The following CDH12 variants were observed in gnomAD, a reference collection of about 807,000 sequenced individuals.
The protein encoded by CDH12 is cadherin 12.
A neutral mutation model predicts 74.1 loss-of-function variants in CDH12; 41 were observed. The ratio of observed to expected loss-of-function variants is 0.55; its 90% CI spans 0.43 to 0.72. The LOEUF (loss-of-function observed/expected upper bound fraction) is 0.72, where lower values mean the gene tolerates loss of function less well. CDH12 is among the 30% of genes least tolerant of loss of function. CDH12 has a pLI of 0.00. For missense variants in CDH12, 945 were observed against 977.2 expected, an observed-to-expected ratio of 0.97 and a Z score of 0.44; for synonymous variants, 399 against 355.0, an observed-to-expected ratio of 1.12 and a Z score of -1.39.
chr5:21,977,160 A>G (rs1025598689), intron 5 of CDH12, among the ~76,000 whole-genome samples: 1 of 152,090 alleles, frequency 6.6e-6, no homozygotes, highest in African/African-American at 2.4e-5. Flanking sequence ...ATGTGGCAAC[A>G]ATAAGAGGGA....
At chr5:22,401,404 C>A (rs961428614) in intron 3 of CDH12, among the ~76,000 whole-genome samples, 4 of 152,062 alleles carry the variant, frequency 2.6e-5, no homozygotes, top group Admixed American at 1.3e-4. Flanking sequence ...TACCTAAATT[C>A]TTTTAGCATT....
intron 1 of CDH12, among the ~76,000 whole-genome samples, chr5:22,601,004 G>T (rs1251995912): frequency 6.6e-6 from 1 of 152,038 alleles, no homozygotes; most frequent in Admixed American, 6.6e-5. Context: ...TATTATCAGG[G>T]TAGAACTGGC....
Position 21,816,957 on chromosome 5 carries a change from G to C in CDH12, c.990C>G (p.Ile330Met). 1.3e-6 allele frequency: 2 copies of C among 1,596,386 alleles called. No homozygotes were observed. Among genetic ancestry groups the C allele is most frequent in the Non-Finnish European group, 8.5e-7 (1 of 1,171,770 alleles). ...VTDEDTQEGV[I>M]KLKKPLDFET... ...TTTGTCTATATACCTTTTTCAATTT[G>C]ATGACTCCCTCTTGTGTATCCTCAT... Residue 330 changes from isoleucine to methionine, a missense_variant, in exon 9 of 15, where the codon ATC becomes ATG. Ile to Met is a conservative substitution (Grantham distance 10). Around this residue, in one of 3 missense-constraint regions of CDH12, gnomAD observed 791 missense variants for 792.8 expected, o/e 1.00. Coordinates refer to ENST00000382254, the MANE Select transcript of CDH12 (RefSeq NM_004061.5).
chr5:22,559,137 C>T (rs1738934045), intron 1 of CDH12, among the ~76,000 whole-genome samples: 2 of 151,910 alleles, frequency 1.3e-5, no homozygotes, highest in South Asian at 4.1e-4. Flanking sequence ...TAACAAATGG[C>T]TTATTCTTGT....
chr5:22,253,121 G>A (rs1010002531), intron 3 of CDH12, among the ~76,000 whole-genome samples: 10 of 151,754 alleles, frequency 6.6e-5, no homozygotes, highest in Non-Finnish European at 1.2e-4. Flanking sequence ...TGAATTAAAT[G>A]AATTAATTTA....
intron 1 of CDH12, among the ~76,000 whole-genome samples, chr5:22,834,174 A>G (rs754496188): frequency 1.3e-5 from 2 of 152,202 alleles, no homozygotes; most frequent in African/African-American, 2.4e-5. Context: ...AGTGTTCAGC[A>G]TCAGTACCAC....
At chr5:22,612,216 G>T (rs1040291279) in intron 1 of CDH12, among the ~76,000 whole-genome samples, 1 of 151,932 alleles carries the variant, frequency 6.6e-6, no homozygotes, top group African/African-American at 2.4e-5. Context: ...TTTATCAGTG[G>T]AACCTCCATT....
At chr5:22,153,876 A>ATG (rs1444185664) in intron 4 of CDH12, among the ~76,000 whole-genome samples, 11 of 55,746 alleles carry the variant, frequency 2.0e-4, no homozygotes, top group African/African-American at 3.7e-4. Flanking sequence ...ATATATGTAT[A>ATG]TATATATATA....
At chr5:22,239,190 T>C (rs1049010009) in intron 3 of CDH12, among the ~76,000 whole-genome samples, 1 of 152,192 alleles carries the variant, frequency 6.6e-6, no homozygotes, top group Non-Finnish European at 1.5e-5. Context: ...GAATGCTTAC[T>C]TCTATAGCTT....
chr5:22,530,167 G>C (rs974156305), intron 1 of CDH12, among the ~76,000 whole-genome samples: 1 of 152,242 alleles, frequency 6.6e-6, no homozygotes, highest in South Asian at 2.1e-4. Context: ...TCTGAAGAAT[G>C]AGTCTTGCAA....
chr5:22,039,632 T>A (rs1418471497), intron 5 of CDH12, among the ~76,000 whole-genome samples: 1 of 152,098 alleles, frequency 6.6e-6, no homozygotes, highest in African/African-American at 2.4e-5. Context: ...TAATTGCCAC[T>A]GAGGACCCTA....
At chr5:22,406,391 C>G (rs1348267925) in intron 2 of CDH12, among the ~76,000 whole-genome samples, 1 of 152,000 alleles carries the variant, frequency 6.6e-6, no homozygotes, top group East Asian at 1.9e-4. Flanking sequence ...GATAATGCAG[C>G]CTGCATGATA....
intron 1 of CDH12, among the ~76,000 whole-genome samples, chr5:22,807,156 T>C (rs1748860011): frequency 6.6e-6 from 1 of 152,198 alleles, no homozygotes; most frequent in South Asian, 2.1e-4. Context: ...TGAAAAGGGC[T>C]AAACAAAATT....
rs189952680 is a variant in CDH12 at position 22,342,761 on chromosome 5, C to A, written c.-333+62496G>T. On this transcript the variant is annotated intron_variant, in intron 3 of 14. Coordinates refer to ENST00000382254, the MANE Select transcript of CDH12 (RefSeq NM_004061.5). ...CCTTATTTCCTTCCCTCCCTCCCTT[C>A]CTCCCTTCCTCACTTCCTTCCTTCC... is the stretch of plus-strand genomic sequence containing the variant. Among the ~76,000 whole-genome samples the A allele has an allele frequency of 4.2e-5, 6 of 144,144 alleles. No homozygotes were observed. In the East Asian group the frequency reaches 1.3e-3, roughly 30 times the overall value. 94.6% of individuals were successfully genotyped at this position (144,144 alleles called of 152,430 possible).
At chr5:22,541,266 G>T (rs565758541) in intron 1 of CDH12, among the ~76,000 whole-genome samples, 4 of 152,210 alleles carry the variant, frequency 2.6e-5, no homozygotes, top group Admixed American at 2.6e-4. Context: ...TGCAGCTGCT[G>T]CAGGGCTTTG....
chr5:22,080,770 C>T (rs1318665504), intron 4 of CDH12, among the ~76,000 whole-genome samples: 1 of 151,012 alleles, frequency 6.6e-6, no homozygotes, highest in Admixed American at 6.6e-5. Context: ...AATTTTGCTT[C>T]TTTCTTTCTT....
intron 4 of CDH12, among the ~76,000 whole-genome samples, chr5:22,097,776 C>T (rs576276030): frequency 6.6e-6 from 1 of 152,142 alleles, no homozygotes; most frequent in East Asian, 1.9e-4. Context: ...GATCATGTAC[C>T]CCTTTCCACC....
intron 3 of CDH12, among the ~76,000 whole-genome samples, chr5:22,350,258 G>A (rs908564985): frequency 2.6e-5 from 4 of 152,148 alleles, no homozygotes; most frequent in Non-Finnish European, 4.4e-5. Flanking sequence ...TTATTATGCA[G>A]TGAAAATACT....
At chr5:22,279,995 A>G (rs952219743) in intron 3 of CDH12, among the ~76,000 whole-genome samples, 26 of 152,156 alleles carry the variant, frequency 1.7e-4, no homozygotes, top group African/African-American at 6.3e-4. Context: ...TCCCACCAAC[A>G]GTGTAAAAGT....
Sources: allele counts gnomAD v4.1 joint callset (sites outside exome capture counted in the v4.1 genomes callset), GRCh38; gene constraint gnomAD v4.1.1; regional missense constraint gnomAD v4.1.1; transcripts MANE v1.5; gene names NCBI Gene and HGNC (gene_info 2026-07-23, HGNC 2026-07-21).